The following ABCC1 variants were observed in gnomAD, a reference collection of about 807,000 sequenced individuals.
The protein encoded by ABCC1 is ATP binding cassette subfamily C member 1 (ABCC1 blood group).
ABCC1 carries 83 observed loss-of-function variants against 172.9 expected under a neutral mutation model. The observed-to-expected ratio is 0.48, with a 90% CI of 0.40 to 0.58. The LOEUF (loss-of-function observed/expected upper bound fraction) is 0.58. ABCC1 is among the 20% of genes least tolerant of loss of function. The pLI, the probability that ABCC1 is intolerant of heterozygous loss-of-function variation, is 0.00. For synonymous variants in ABCC1, 937 were observed against 825.2 expected, an observed-to-expected ratio of 1.14 and a Z score of -2.32; for missense variants, 1,817 against 2,002.7, an observed-to-expected ratio of 0.91 and a Z score of 1.77.
At chr16:15,988,477 G>A (rs540141822) in intron 1 of ABCC1, among the ~76,000 whole-genome samples, 1 of 152,256 alleles carries the variant, frequency 6.6e-6, no homozygotes, top group South Asian at 2.1e-4. Context: ...CCCAGCACAT[G>A]CCTGACCCCT....
chr16:15,971,350 C>A (rs1215808295), intron 1 of ABCC1, among the ~76,000 whole-genome samples: 1 of 152,116 alleles, frequency 6.6e-6, no homozygotes, highest in Non-Finnish European at 1.5e-5. Context: ...GGGGAAAGGG[C>A]AAGAAGGCTG....
At chr16:16,067,397 C>A (rs1236057520) in intron 12 of ABCC1, among the ~76,000 whole-genome samples, 1 of 152,134 alleles carries the variant, frequency 6.6e-6, no homozygotes, top group Non-Finnish European at 1.5e-5. Flanking sequence ...TTAATAGATT[C>A]CTTGGAAGAA....
At chr16:16,062,111 A>T (rs920385828) in intron 12 of ABCC1, among the ~76,000 whole-genome samples, 3 of 152,178 alleles carry the variant, frequency 2.0e-5, no homozygotes, top group African/African-American at 7.2e-5. Flanking sequence ...AGAGGAAAAG[A>T]TACAAGCCAG....
intron 1 of ABCC1, among the ~76,000 whole-genome samples, chr16:16,000,133 G>A (rs978344580): frequency 4.0e-5 from 6 of 151,128 alleles, no homozygotes; most frequent in South Asian, 2.1e-4. Flanking sequence ...GATTACAGGC[G>A]TGAGCCACCG....
intron 1 of ABCC1, among the ~76,000 whole-genome samples, chr16:15,971,661 C>T (rs1252431562): frequency 6.6e-6 from 1 of 152,154 alleles, no homozygotes; most frequent in East Asian, 1.9e-4. Context: ...GCTAGGGCTC[C>T]TCCTGGGGTG....
intron 5 of ABCC1, among the ~76,000 whole-genome samples, chr16:16,030,475 A>G (rs899224295): frequency 2.0e-5 from 3 of 152,170 alleles, no homozygotes; most frequent in African/African-American, 7.2e-5. Context: ...CAGTGAGCCA[A>G]GATCACGCCA....
intron 12 of ABCC1, among the ~76,000 whole-genome samples, chr16:16,060,640 G>A (rs1567359814): frequency 1.3e-5 from 2 of 151,934 alleles, no homozygotes; most frequent in Non-Finnish European, 2.9e-5. Flanking sequence ...TCCTGCCTCA[G>A]TCCCCCGACT....
At chr16:16,054,189 G>A (rs1219735267) in intron 11 of ABCC1, among the ~76,000 whole-genome samples, 1 of 152,060 alleles carries the variant, frequency 6.6e-6, no homozygotes, top group Non-Finnish European at 1.5e-5. Flanking sequence ...TGGCCAGGCT[G>A]GTCTTGAACT....
At chr16:15,955,238 C>A (rs897976237) in intron 1 of ABCC1, among the ~76,000 whole-genome samples, 1 of 152,118 alleles carries the variant, frequency 6.6e-6, no homozygotes, top group African/African-American at 2.4e-5. Context: ...CGCCTGTAAT[C>A]CCAGCTACTT....
chr16:16,065,593 C>T (rs550629102), intron 12 of ABCC1, among the ~76,000 whole-genome samples: 20 of 152,100 alleles, frequency 1.3e-4, no homozygotes, highest in Non-Finnish European at 2.1e-4. Flanking sequence ...CCACCACACC[C>T]GGCTAATTTT....
intron 23 of ABCC1, among the ~76,000 whole-genome samples, chr16:16,119,872 A>G (rs2045074706): frequency 6.6e-6 from 1 of 152,184 alleles, no homozygotes; most frequent in South Asian, 2.1e-4. Context: ...GTCCAGGGTA[A>G]GATGGGGCAG....
rs190329748 is a variant in ABCC1, at chr16:15,989,888, T to C, written c.49-17928T>C. Among the ~76,000 whole-genome samples the C allele has an allele frequency of 2.5e-3, 381 of 152,184 alleles. 2 individuals are homozygous for C. Among genetic ancestry groups the C allele is most frequent in the African/African-American group, 9.0e-3 (374 of 41,512 alleles). Reference sequence around the variant, plus strand: ...GGCTCTGGTTTTATTTTTATTTCTTTTTCTTTGAGACTTGGTCTCACTCTG... The same window carrying C: ...GGCTCTGGTTTTATTTTTATTTCTTCTTCTTTGAGACTTGGTCTCACTCTG... On this transcript the variant is annotated intron_variant, in intron 1 of 30. Coordinates refer to ENST00000399410, the MANE Select transcript of ABCC1 (RefSeq NM_004996.4).
At chr16:15,994,750 T>C (rs1467205119) in intron 1 of ABCC1, among the ~76,000 whole-genome samples, 1 of 151,834 alleles carries the variant, frequency 6.6e-6, no homozygotes, top group Non-Finnish European at 1.5e-5. Flanking sequence ...AATTAGCTTT[T>C]TTTCTTTCTT....
At chr16:16,016,693 A>G in intron 5 of ABCC1, 72 bp downstream of exon 5, 2 of 1,585,522 alleles carry the variant, frequency 1.3e-6, no homozygotes, top group Non-Finnish European at 1.7e-6. Context: ...ACCAGCTAAC[A>G]TTTCTTAGAT....
At chr16:16,049,355 C>G (rs931904055) in intron 10 of ABCC1, among the ~76,000 whole-genome samples, 4 of 152,188 alleles carry the variant, frequency 2.6e-5, no homozygotes, top group East Asian at 1.9e-4. Context: ...ATTGGCCAGC[C>G]TGGGTCACAT....
chr16:16,115,507 G>A (rs931820220), intron 23 of ABCC1, among the ~76,000 whole-genome samples: 5 of 151,978 alleles, frequency 3.3e-5, no homozygotes, highest in Middle Eastern at 3.4e-3. Context: ...CACCACGGCC[G>A]GCTAATTTTT....
At chr16:15,965,728 C>G (rs1354671880) in intron 1 of ABCC1, among the ~76,000 whole-genome samples, 1 of 152,034 alleles carries the variant, frequency 6.6e-6, no homozygotes, top group Non-Finnish European at 1.5e-5. Context: ...GCTGGAGTAG[C>G]TGGGATTACA....
At chr16:16,063,727 C>T (rs947093507) in intron 12 of ABCC1, among the ~76,000 whole-genome samples, 3 of 152,188 alleles carry the variant, frequency 2.0e-5, no homozygotes. Context: ...ACTCTCAGCT[C>T]TGCTTTCTTG....
At chr16:15,970,083 GT>G (rs955891542) in intron 1 of ABCC1, among the ~76,000 whole-genome samples, 22 of 152,276 alleles carry the variant, frequency 1.4e-4, no homozygotes, top group African/African-American at 5.3e-4. Flanking sequence ...TGGGGAACCC[GT>G]TTGATGATAC....
Sources: allele counts gnomAD v4.1 joint callset (sites outside exome capture counted in the v4.1 genomes callset), GRCh38; gene constraint gnomAD v4.1.1; transcripts MANE v1.5; gene names NCBI Gene and HGNC (gene_info 2026-07-23, HGNC 2026-07-21).